The following GDPD4 variants were observed in gnomAD, a reference collection of about 807,000 sequenced individuals.
GDPD4 encodes glycerophosphodiester phosphodiesterase 6.
A neutral mutation model predicts 67.8 loss-of-function variants in GDPD4; 60 were observed. That is an observed-to-expected ratio of 0.88 (90% CI 0.72 to 1.10). The LOEUF (loss-of-function observed/expected upper bound fraction) is 1.10, where lower values mean the gene tolerates loss of function less well. Ranked by LOEUF, GDPD4 falls within the 50% of genes least tolerant of loss-of-function variation. The pLI is 0.00. For synonymous variants in GDPD4, 212 were observed against 210.9 expected (o/e 1.00, Z -0.04); for missense variants, 623 against 613.9 (o/e 1.01, Z -0.16).
intron 15 of GDPD4, among the ~76,000 whole-genome samples, chr11:77,228,345 T>TA (rs1565508230): frequency 4.7e-5 from 7 of 150,398 alleles, no homozygotes; most frequent in Admixed American, 6.6e-5. Context: ...AAAAATATTT[T>TA]TAAAAAAAAT....
chr11:77,277,391 CTTTTTT>C (rs71043564), intron 4 of GDPD4, among the ~76,000 whole-genome samples: 50 of 58,346 alleles, frequency 8.6e-4, no homozygotes, highest in Admixed American at 1.5e-3. Flanking sequence ...GCCATGTTTC[CTTTTTT>C]TTTTTTTTTT....
chr11:77,254,126 C>A (rs1405809127), intron 11 of GDPD4, among the ~76,000 whole-genome samples: 1 of 152,202 alleles, frequency 6.6e-6, no homozygotes, highest in Admixed American at 6.5e-5. Context: ...GGCCACGGGG[C>A]AGGCACAGCT....
Position 77,279,319 on chromosome 11 carries a change from G to A in GDPD4, c.134C>T (p.Ser45Phe), listed in dbSNP as rs1014682043. ...AGCATTACTCACCAACAGCAATGAA[G>A]AGTAGGCAGTCAGGATCCTAGCTAA... ...LSLARILTAY[S>F]SLLLLLGFLL... The change falls in exon 4 of 17, where the codon TCT (serine) becomes TTT (phenylalanine). Residue 45 changes from serine to phenylalanine, a missense_variant. Transcript: ENST00000315938. The A allele has an allele frequency of 2.5e-6, 4 of 1,606,540 alleles. No individual in the cohort carries two copies. Among genetic ancestry groups the A allele is most frequent in the Non-Finnish European group, 3.4e-6 (4 of 1,173,258 alleles).
chr11:77,247,329 T>C (rs1958799319), intron 11 of GDPD4, among the ~76,000 whole-genome samples: 1 of 152,188 alleles, frequency 6.6e-6, no homozygotes, highest in Admixed American at 6.5e-5. Flanking sequence ...TTAAACCTTC[T>C]TGTGAGAAAA....
At chr11:77,261,446 C>A (rs1959116095) in intron 10 of GDPD4, among the ~76,000 whole-genome samples, 1 of 152,042 alleles carries the variant, frequency 6.6e-6, no homozygotes, top group South Asian at 2.1e-4. Context: ...CCATGTTGGC[C>A]AGGCTGGTCT....
intron 11 of GDPD4, among the ~76,000 whole-genome samples, chr11:77,254,969 C>A (rs543180095): frequency 6.6e-6 from 1 of 152,264 alleles, no homozygotes; most frequent in Admixed American, 6.5e-5. Flanking sequence ...CATGATAACA[C>A]CATTTCAACT....
chr11:77,245,169 T>TAAG, intron 12 of GDPD4, 112 bp downstream of exon 12: 1 of 742,686 alleles, frequency 1.3e-6, no homozygotes, highest in South Asian at 1.7e-5. Context: ...GGAAGTAAAA[T>TAAG]TACTTAAGGA....
At chr11:77,230,661 A>G (rs984742336) in intron 14 of GDPD4, among the ~76,000 whole-genome samples, 2 of 152,222 alleles carry the variant, frequency 1.3e-5, no homozygotes, top group African/African-American at 4.8e-5. Context: ...TGACTGTCAA[A>G]AGGTGAATGA....
chr11:77,261,300 C>T (rs1005846990), intron 10 of GDPD4, among the ~76,000 whole-genome samples: 1 of 151,926 alleles, frequency 6.6e-6, no homozygotes, highest in Non-Finnish European at 1.5e-5. Context: ...TGTAGCGGTG[C>T]CATCTCAGTT....
At chr11:77,219,214 C>G (rs1958181922) in intron 16 of GDPD4, among the ~76,000 whole-genome samples, 1 of 152,302 alleles carries the variant, frequency 6.6e-6, no homozygotes, top group African/African-American at 2.4e-5. Flanking sequence ...TGTTCATATC[C>G]TTTGCCCACT....
chr11:77,282,095 T>C (rs889436336), intron 3 of GDPD4, among the ~76,000 whole-genome samples: 5 of 152,186 alleles, frequency 3.3e-5, no homozygotes, highest in African/African-American at 1.2e-4. Context: ...GAATGGCTTA[T>C]AACTCAGAAG....
intron 16 of GDPD4, among the ~76,000 whole-genome samples, chr11:77,218,917 C>T (rs568967313): frequency 2.0e-5 from 3 of 152,106 alleles, no homozygotes; most frequent in Non-Finnish European, 4.4e-5. Flanking sequence ...GTAATGGGAT[C>T]ACTGGGTCAA....
chr11:77,233,260 G>T, intron 13 of GDPD4, 88 bp from the exon 14 acceptor site: 1 of 1,318,064 alleles, frequency 7.6e-7, no homozygotes, highest in Non-Finnish European at 1.1e-6. Flanking sequence ...TTTGTGAAAG[G>T]CTGTTGCCTA....
At position 77,279,419 on chromosome 11, in the gene GDPD4, A is replaced by G. The variant is rs1470491065; in HGVS notation, c.54-20T>C. ...GTGACCCTGAAAAAAAATGTGTTTCAGTTCTTAAAATAATGCAGAAATCAG... is the reference window on the plus strand; with the variant it reads ...GTGACCCTGAAAAAAAATGTGTTTCGGTTCTTAAAATAATGCAGAAATCAG... On this transcript the variant is annotated intron_variant, in intron 3 of 16. Coordinates refer to ENST00000315938, the MANE Select transcript of GDPD4 (RefSeq NM_182833.3). The G allele has an allele frequency of 2.7e-6, 4 of 1,475,124 alleles. No individual in the cohort carries two copies. Among genetic ancestry groups the G allele is most frequent in the Non-Finnish European group, 3.8e-6 (4 of 1,053,906 alleles). 91.4% of individuals were successfully genotyped at this position (1,475,124 alleles called of 1,614,324 possible).
intron 13 of GDPD4, among the ~76,000 whole-genome samples, chr11:77,236,237 G>A (rs770039844): frequency 2.0e-5 from 3 of 151,800 alleles, no homozygotes; most frequent in Non-Finnish European, 4.4e-5. Context: ...ACAACGTGCA[G>A]GTTTGTTACA....
chr11:77,278,361 T>G (rs61901768), intron 4 of GDPD4, among the ~76,000 whole-genome samples: 2,348 of 152,294 alleles, frequency 0.015, 30 homozygotes, highest in South Asian at 0.025. Context: ...GCTCCCTCAG[T>G]CCACAATGTT....
intron 11 of GDPD4, among the ~76,000 whole-genome samples, chr11:77,253,072 T>C (rs1207385316): frequency 6.6e-6 from 1 of 152,158 alleles, no homozygotes; most frequent in Admixed American, 6.5e-5. Flanking sequence ...CTGTGAACCT[T>C]TCACTCTCTG....
intron 13 of GDPD4, among the ~76,000 whole-genome samples, chr11:77,233,393 G>A (rs1011400745): frequency 2.1e-5 from 3 of 140,370 alleles, no homozygotes; most frequent in African/African-American, 8.0e-5. Flanking sequence ...GTGGTGTGCT[G>A]GTAAACCAAA....
At chr11:77,269,784 A>T in intron 8 of GDPD4, 99 bp downstream of exon 8, 1 of 650,514 alleles carries the variant, frequency 1.5e-6, no homozygotes, top group Non-Finnish European at 2.7e-6. Context: ...ATTCCCCAAG[A>T]CTTACTATTT....
Sources: allele counts gnomAD v4.1 joint callset (sites outside exome capture counted in the v4.1 genomes callset), GRCh38; gene constraint gnomAD v4.1.1; transcripts MANE v1.5; gene names NCBI Gene and HGNC (gene_info 2026-07-23, HGNC 2026-07-21).